IKZF5: variants seen among roughly 807,000 people sequenced by gnomAD.
The protein encoded by IKZF5 is zinc finger protein Pegasus.
Under a neutral mutation model 30.7 loss-of-function variants are expected in IKZF5, and 4 were observed. That is an observed-to-expected ratio of 0.13 (90% CI 0.06 to 0.30). IKZF5 has a LOEUF of 0.30. IKZF5 is among the 10% of genes least tolerant of loss of function. The pLI is 1.00. For missense variants in IKZF5, 348 were observed against 525.5 expected (o/e 0.66, Z 3.30); for synonymous variants, 148 against 179.6 (o/e 0.82, Z 1.41).
At chr10:123,001,801 T>C (rs1849596628) in intron 2 of IKZF5, among the ~76,000 whole-genome samples, 1 of 152,210 alleles carries the variant, frequency 6.6e-6, no homozygotes, top group Non-Finnish European at 1.5e-5. Flanking sequence ...TCTTGGGCCT[T>C]TTCAGCCTAA....
Position 122,994,201 on chromosome 10 carries a change from C to T in IKZF5, c.839G>A (p.Cys280Tyr). The T allele has an allele frequency of 2.5e-6, 4 of 1,614,054 alleles. No homozygotes were observed. In the South Asian group the frequency reaches 4.4e-5, roughly 18 times the overall value. Reference sequence around the variant, plus strand: ...AATCATGAAAGGCTTTTCATCAGGGCAGGGAACTACATCAGGGGATGCAGG... The same window carrying T: ...AATCATGAAAGGCTTTTCATCAGGGTAGGGAACTACATCAGGGGATGCAGG... ...QNPASPDVVP[C>Y]PDEKPFMIQQ... Residue 280 changes from cysteine to tyrosine, a missense_variant, in exon 5 of 5, where the codon TGC (cysteine) becomes TAC (tyrosine). Physicochemically the swap from Cys to Tyr is radical, Grantham distance 194 (BLOSUM62 -2). This residue lies in a region of IKZF5 where 176 missense variants were observed against 198.2 expected (regional missense o/e 0.89). Transcript: ENST00000368886. This position sits in a 1 kb window ranked among gnomAD's most constrained non-coding sequence, Gnocchi z 5.6.
Position 122,993,024 on chromosome 10 carries a change from T to C in IKZF5, c.*756A>G, listed in dbSNP as rs747749692. Reference sequence around the variant, plus strand: ...TCCACCTCACCTAACAGTAATGATATCAGAATGAAGGATTTAAATGAAAGT... The same window carrying C: ...TCCACCTCACCTAACAGTAATGATACCAGAATGAAGGATTTAAATGAAAGT... On this transcript the variant is annotated 3_prime_UTR_variant, in exon 5 of 5. Transcript: ENST00000368886. 3.2e-4 allele frequency: 49 copies of C among 152,570 alleles called. No homozygotes were observed. Among genetic ancestry groups the C allele is most frequent in the Non-Finnish European group, 6.6e-4 (45 of 68,014 alleles). The allele number at this position is 152,570 out of a possible 1,614,324, so 9.5% of individuals were successfully genotyped here. A position where few individuals can be genotyped will look rare whatever the true frequency, so the allele number is the denominator to read the frequency against.
chr10:123,002,278 G>T (rs1397010653), intron 2 of IKZF5, among the ~76,000 whole-genome samples: 1 of 152,080 alleles, frequency 6.6e-6, no homozygotes, highest in East Asian at 1.9e-4. Context: ...CAGCACTTTG[G>T]GAGGCCGAGG....
At chr10:122,996,199 G>A (rs754694218) in intron 3 of IKZF5, 23 bp from the exon 4 acceptor site, 1 of 1,592,852 alleles carries the variant, frequency 6.3e-7, no homozygotes, top group Non-Finnish European at 8.6e-7. Context: ...TACCGCAAAA[G>A]AAATTATGCA....
intron 2 of IKZF5, among the ~76,000 whole-genome samples, chr10:123,002,971 C>G (rs143532649): frequency 2.4e-4 from 37 of 151,436 alleles, no homozygotes; most frequent in African/African-American, 8.0e-4. Context: ...AACTGCAAAA[C>G]AAGATTATTT....
At chr10:122,998,428 A>G in intron 3 of IKZF5, 65 bp downstream of exon 3, 1 of 1,353,950 alleles carries the variant, frequency 7.4e-7, no homozygotes. Flanking sequence ...TCACAGTAAC[A>G]GCTACACGCA....
Position 122,994,837 on chromosome 10 carries a change from A to C in IKZF5, c.317-114T>G. 1 of 818,994 alleles carries C rather than the reference A, an allele frequency of 1.2e-6. No homozygotes were observed. The highest frequency in any genetic ancestry group is 1.9e-6 in the Non-Finnish European group (1 of 523,658). The allele number at this position is 818,994 out of a possible 1,614,324, so 50.7% of individuals were successfully genotyped here. A position where few individuals can be genotyped will look rare whatever the true frequency, so the allele number is the denominator to read the frequency against. On this transcript the variant is annotated intron_variant, in intron 4 of 4. Coordinates refer to ENST00000368886, the MANE Select transcript of IKZF5 (RefSeq NM_001372123.1). The surrounding 1 kb of genome is among the most constrained non-coding windows in gnomAD (Gnocchi z 5.6). ...TGATCAAAAAGAAAATGCTTTCAGA[A>C]AGTCATATTTGCATAGCATATGAGA... is the stretch of plus-strand genomic sequence containing the variant.
In IKZF5 at chr10:122,991,704, A is replaced by C. The variant is rs1477913416; in HGVS notation, c.*2076T>G. On this transcript the variant is annotated 3_prime_UTR_variant, in exon 5 of 5. Transcript: ENST00000368886. ...TTCTTAGCATCAAAACCTTTGGGAT[A>C]TCAACTGTGCTCTTTAAGTCATGGC... The C allele has an allele frequency of 6.6e-6, 1 of 152,204 alleles. No homozygotes were observed. The highest frequency in any genetic ancestry group is 1.5e-5 in the Non-Finnish European group (1 of 68,008). The allele number at this position is 152,204 out of a possible 1,614,324, so 9.4% of individuals were successfully genotyped here.
chr10:122,997,155 A>G (rs976183553), intron 3 of IKZF5: 3 of 152,236 alleles, frequency 2.0e-5, no homozygotes, highest in Admixed American at 6.5e-5. Context: ...ATAATCAGGA[A>G]AATCGGCAAA....
In IKZF5 at chr10:123,006,278, G is replaced by C. The variant is rs371348693; in HGVS notation, c.-47+748C>G. Among the ~76,000 whole-genome samples, 55 of 152,186 alleles carry C rather than the reference G, an allele frequency of 3.6e-4. No individual in the cohort carries two copies. The East Asian group carries it at 9.1e-3, about 25-fold the overall frequency. On this transcript the variant is annotated intron_variant, in intron 2 of 4. Transcript: ENST00000368886. ...TTTAGGCTAATTTCCGATCTTCCTT[G>C]GTTTCTGATAAAGGATTTATTTTGT...
At chr10:123,003,971 G>A (rs774891865) in intron 2 of IKZF5, among the ~76,000 whole-genome samples, 115 of 152,042 alleles carry the variant, frequency 7.6e-4, no homozygotes, top group Non-Finnish European at 1.1e-3. Context: ...ATTTGTTTCC[G>A]TTGTTTTTTT....
At position 122,998,167 on chromosome 10, in the gene IKZF5, G is replaced by A. The variant is rs865858738; in HGVS notation, c.133+326C>T. 7.7e-5 allele frequency: 14 copies of A among 182,944 alleles called. 1 individual carries two copies. Among genetic ancestry groups the A allele is most frequent in the Middle Eastern group, 2.0e-3 (1 of 508 alleles). The allele number at this position is 182,944 out of a possible 1,614,324, so 11.3% of individuals were successfully genotyped here. On this transcript the variant is annotated intron_variant, in intron 3 of 4. Coordinates refer to ENST00000368886, the MANE Select transcript of IKZF5 (RefSeq NM_001372123.1). ...TCAGGTCGAATCCAGATTTCCTGAT[G>A]GCCTAATGGTTTGTATAGTGAAGCT...
rs1175230962 is a variant in IKZF5 at position 122,993,864 on chromosome 10, A to G, written c.1176T>C (p.Phe392=). ...ATTTGCATCCACATATATTACACTG[A>G]AAAGGATTTTCATACCCATGACATC... ...HMGCHGYENP[F]QCNICGCKCK... is the part of the protein sequence containing the mutation. The change falls in exon 5 of 5, where the codon TTT becomes TTC. Residue 392 remains phenylalanine, a synonymous_variant. Transcript: ENST00000368886. 5 of 1,614,074 alleles carry G rather than the reference A, an allele frequency of 3.1e-6. No individual in the cohort carries two copies. The highest frequency in any genetic ancestry group is 2.7e-5 in the African/African-American group (2 of 74,940).
At chr10:122,998,191 C>A (rs1849452074) in intron 3 of IKZF5, 1 of 215,692 alleles carries the variant, frequency 4.6e-6, no homozygotes, top group African/African-American at 2.3e-5. Context: ...TATAGTGAAG[C>A]TGATATTCCA....
At chr10:122,998,421 C>T in intron 3 of IKZF5, 72 bp downstream of exon 3, 1 of 1,310,930 alleles carries the variant, frequency 7.6e-7, no homozygotes, top group Non-Finnish European at 1.1e-6. Flanking sequence ...GTGGTCTTCA[C>T]AGTAACAGCT....
chr10:123,003,785 A>G (rs1383431211), intron 2 of IKZF5, among the ~76,000 whole-genome samples: 1 of 152,258 alleles, frequency 6.6e-6, no homozygotes, highest in Non-Finnish European at 1.5e-5. Context: ...AGTTACAACG[A>G]AACAAACATG....
Position 122,993,793 on chromosome 10 carries a change from T to C in IKZF5, c.1247A>G (p.His416Arg), listed in dbSNP as rs780490982. 1 of 1,598,992 alleles carries C rather than the reference T, an allele frequency of 6.3e-7. No homozygotes were observed. Residue 416 changes from histidine (H) to arginine (R), a missense_variant, in exon 5 of 5, where the codon CAT becomes CGT. Physicochemically the swap from His to Arg is conservative, Grantham distance 29 (BLOSUM62 0). Transcript: ENST00000368886. ...GACTATTTTCAATCAATGTTGGTTA[T>C]GTTGCCCTCTTGCAAAATGACAGGC... ...DFACHFARGQ[H>R]NQH
intron 1 of IKZF5, among the ~76,000 whole-genome samples, chr10:123,007,719 C>T (rs1849856617): frequency 6.6e-6 from 1 of 152,174 alleles, no homozygotes; most frequent in Non-Finnish European, 1.5e-5. Context: ...AAAATAACAC[C>T]AGACATTTCA....
chr10:123,004,629 T>TAAA (rs34085831), intron 2 of IKZF5, among the ~76,000 whole-genome samples: 3 of 145,892 alleles, frequency 2.1e-5, no homozygotes, highest in Admixed American at 6.8e-5. Flanking sequence ...ATGATAAACT[T>TAAA]AAAAAAAAAA....
Sources: gnomAD v4.1 joint callset for allele counts (sites outside exome capture counted in the v4.1 genomes callset) on GRCh38, gnomAD v4.1.1 for gene constraint, gnomAD v4.1.1 regional missense constraint, Gnocchi (gnomAD v3.1) non-coding constraint, MANE v1.5 for transcripts, NCBI Gene and HGNC (gene_info 2026-07-23, HGNC 2026-07-21) for gene names.